The following SPG7 variants were observed in gnomAD, a reference collection of about 807,000 sequenced individuals.
SPG7 encodes the protein mitochondrial inner membrane m-AAA protease component paraplegin.
SPG7 carries 103 observed loss-of-function variants against 81.9 expected under a neutral mutation model. The ratio of observed to expected loss-of-function variants is 1.26; its 90% CI spans 1.07 to 1.48. The LOEUF is 1.48. Among genes scored for constraint, SPG7 ranks in the 40% most tolerant of loss-of-function variants. The probability of loss-of-function intolerance (pLI) is 0.00; values close to 1 mark genes in which losing one functional copy is unlikely to be tolerated. For synonymous variants in SPG7, 534 were observed against 444.2 expected (o/e 1.20, Z -2.54); for missense variants, 1,241 against 1,087.3 (o/e 1.14, Z -1.99).
intron 8 of SPG7, among the ~76,000 whole-genome samples, 186 bp downstream of exon 8, chr16:89,532,252 G>A (rs534501404): frequency 2.0e-5 from 3 of 152,370 alleles, no homozygotes; most frequent in South Asian, 2.1e-4. Context: ...CAAAGCCACC[G>A]TCACTTGTGG....
intron 10 of SPG7, chr16:89,545,554 T>C (rs778263083): frequency 5.4e-5 from 11 of 202,926 alleles, no homozygotes; most frequent in Non-Finnish European, 1.0e-4. Flanking sequence ...GGACATGGCT[T>C]CTCCAGGGGA....
chr16:89,510,461 C>G (rs920496626), intron 1 of SPG7, 29 bp from the exon 2 acceptor site: 5 of 1,376,804 alleles, frequency 3.6e-6, no homozygotes, highest in African/African-American at 2.9e-5. Flanking sequence ...TTGGTGTGAC[C>G]TCCAGTATTG....
At chr16:89,524,474 C>G (rs979874130) in intron 4 of SPG7, among the ~76,000 whole-genome samples, 1 of 152,188 alleles carries the variant, frequency 6.6e-6, no homozygotes, top group Admixed American at 6.5e-5. Flanking sequence ...GAGACAGTCT[C>G]GCTCTGTTGG....
rs763721899 is a variant in SPG7, at chr16:89,508,493, G to C, written c.76G>C (p.Gly26Arg). The C allele has an allele frequency of 4.6e-6, 7 of 1,511,456 alleles. No individual in the cohort carries two copies. In the South Asian group the frequency reaches 4.9e-5, roughly 11 times the overall value. The allele number at this position is 1,511,456 out of a possible 1,614,324, so 93.6% of individuals were successfully genotyped here. The change falls in exon 1 of 17, where the codon GGC (glycine) becomes CGC (arginine). Residue 26 changes from glycine to arginine, a missense_variant. By Grantham distance (125) the Gly-to-Arg change is moderately radical. Coordinates refer to ENST00000645818, the MANE Select transcript of SPG7 (RefSeq NM_003119.4). ...GGGTCCTCGGCCGCTGTGGGGCCCAGGCCCGGCCTGGAGTCCAGGGTTCCC... is the reference window on the plus strand; with the variant it reads ...GGGTCCTCGGCCGCTGTGGGGCCCACGCCCGGCCTGGAGTCCAGGGTTCCC... ...GPGPRPLWGPGPAWSPGFPAR... is the reference protein window; with the variant it reads ...GPGPRPLWGPRPAWSPGFPAR...
At position 89,556,480 on chromosome 16, in the gene SPG7, T is replaced by C. The variant is rs146683947; in HGVS notation, c.2182-407T>C. On this transcript the variant is annotated intron_variant, in intron 16 of 16. Transcript: ENST00000645818. ...GGATCCCACCTAGAATGGCAGAAAT[T>C]CACTTCCCCAACTTGAGAGGTCCCA... is the stretch of plus-strand genomic sequence containing the variant. 1.3e-3 allele frequency: 404 copies of C among 311,304 alleles called. 1 individual carries two copies. The highest frequency in any genetic ancestry group is 8.2e-3 in the African/African-American group (382 of 46,306). 19.3% of individuals were successfully genotyped at this position (311,304 alleles called of 1,614,324 possible). A position where few individuals can be genotyped will look rare whatever the true frequency, so the allele number is the denominator to read the frequency against.
At chr16:89,528,161 C>A (rs570691863) in intron 5 of SPG7, among the ~76,000 whole-genome samples, 108 of 151,398 alleles carry the variant, frequency 7.1e-4, no homozygotes, top group African/African-American at 2.5e-3. Flanking sequence ...GAGGCCGAGG[C>A]GGGCAGATCA....
chr16:89,545,850 T>C (rs1051926965), intron 10 of SPG7: 8 of 412,242 alleles, frequency 1.9e-5, no homozygotes, highest in African/African-American at 1.7e-4. Flanking sequence ...TTTTTCTTTT[T>C]AATTTTTCTT....
chr16:89,532,723 T>C (rs2058362106), intron 9 of SPG7, 87 bp downstream of exon 9: 1 of 1,508,394 alleles, frequency 6.6e-7, no homozygotes, highest in African/African-American at 1.4e-5. Context: ...TGAGCCAAGA[T>C]CGTGTCACTG....
intron 6 of SPG7, chr16:89,529,915 C>T (rs2058317377): frequency 1.1e-5 from 4 of 361,550 alleles, no homozygotes; most frequent in South Asian, 9.4e-5. Context: ...TCTCAGCTCA[C>T]CGCAACTTGC....
intron 9 of SPG7, chr16:89,541,522 G>A (rs573928029): frequency 4.2e-5 from 7 of 168,570 alleles, no homozygotes; most frequent in African/African-American, 1.7e-4. Context: ...TGCTCGTTAT[G>A]TGAACGTGCG....
intron 3 of SPG7, among the ~76,000 whole-genome samples, chr16:89,514,968 G>C (rs544844547): frequency 1.5e-5 from 2 of 130,752 alleles, no homozygotes; most frequent in African/African-American, 3.0e-5. Flanking sequence ...ACGGAGTCTC[G>C]CTCTGTCGCC....
chr16:89,508,623 C>T (rs1221042752), intron 1 of SPG7, 23 bp downstream of exon 1: 3 of 1,435,778 alleles, frequency 2.1e-6, no homozygotes, highest in African/African-American at 1.5e-5. Flanking sequence ...GGAGTCCGGG[C>T]CCCACCTCCC....
chr16:89,512,204 C>G (rs970582788), intron 2 of SPG7, among the ~76,000 whole-genome samples: 3 of 151,920 alleles, frequency 2.0e-5, no homozygotes, highest in Non-Finnish European at 2.9e-5. Context: ...CGCCACTGCA[C>G]CTGGCCTCCC....
At position 89,548,110 on chromosome 16, in the gene SPG7, G is replaced by A. The variant is rs1429693197; in HGVS notation, c.1660G>A (p.Ala554Thr). Residue 554 changes from alanine to threonine, a missense_variant, in exon 12 of 17, where the codon GCA (alanine) becomes ACA (threonine). Ala to Thr is a moderately conservative substitution (Grantham distance 58). Transcript: ENST00000645818. ...NFEYAVERVL[A>T]GTAKKSKILS... ...CGAGTACGCCGTGGAGCGCGTCCTC[G>A]CAGGTACAGGGGGCGCGCCCTGGGT... The A allele has an allele frequency of 4.4e-6, 7 of 1,600,934 alleles. No homozygotes were observed. The highest frequency in any genetic ancestry group is 2.7e-5 in the African/African-American group (2 of 74,836).
At chr16:89,556,658 A>T in intron 16 of SPG7, 2 of 556,766 alleles carry the variant, frequency 3.6e-6, no homozygotes, top group South Asian at 4.0e-5. Context: ...GATTTTGAAT[A>T]GAAGTAGAAA....
chr16:89,553,156 C>T (rs1597664338), intron 14 of SPG7, 21 bp downstream of exon 14: 6 of 1,580,372 alleles, frequency 3.8e-6, no homozygotes, highest in Non-Finnish European at 4.3e-6. Flanking sequence ...GCGGCGCGGG[C>T]CCTGGAGGTT....
In SPG7 at chr16:89,510,578, T is replaced by C. The variant is rs1268105944; in HGVS notation, c.272T>C (p.Leu91Pro). Residue 91 changes from leucine (L) to proline (P), a missense_variant, in exon 2 of 17, where the codon CTC becomes CCC. Transcript: ENST00000645818. ...CATTTAGTTCAGAATCCAGTCAGAC[T>C]CTGGCAACTTTTAGGTATGTATCTG... ...KQHLVQNPVR[L>P]WQLLGGTFYF... 1 of 1,609,000 alleles carries C rather than the reference T, an allele frequency of 6.2e-7. No individual in the cohort carries two copies. Among genetic ancestry groups the C allele is most frequent in the Middle Eastern group, 1.7e-4 (1 of 6,054 alleles).
chr16:89,545,172 A>T (rs2058547253), intron 10 of SPG7: 1 of 342,278 alleles, frequency 2.9e-6, no homozygotes, highest in Admixed American at 4.0e-5. Context: ...ACTTCCTTCC[A>T]TCCGTAGCGT....
rs2058623488 is a variant in SPG7, at chr16:89,550,524, A to C, written c.1694A>C (p.Lys565Thr). Residue 565 changes from lysine to threonine, a missense_variant, in exon 13 of 17, where the codon AAG becomes ACG. Coordinates refer to ENST00000645818, the MANE Select transcript of SPG7 (RefSeq NM_003119.4). ...GTAKKSKILS[K>T]EEQKVVAFHE... ...GCCAAAAAGAGCAAGATCCTGTCCAAGGAAGAACAGAAAGTGGTTGCGTTT... is the reference window on the plus strand; with the variant it reads ...GCCAAAAAGAGCAAGATCCTGTCCACGGAAGAACAGAAAGTGGTTGCGTTT... The C allele has an allele frequency of 6.2e-7, 1 of 1,613,926 alleles. No homozygotes were observed. Among genetic ancestry groups the C allele is most frequent in the East Asian group, 2.2e-5 (1 of 44,882 alleles).
Sources: gnomAD v4.1 joint callset for allele counts (sites outside exome capture counted in the v4.1 genomes callset) on GRCh38, gnomAD v4.1.1 for gene constraint, MANE v1.5 for transcripts, NCBI Gene and HGNC (gene_info 2026-07-23, HGNC 2026-07-21) for gene names.